SHANK2: variants seen among roughly 807,000 people sequenced by gnomAD.
SHANK2 encodes SH3 and multiple ankyrin repeat domains protein 2.
Under a neutral mutation model 133.7 loss-of-function variants are expected in SHANK2, and 43 were observed. The observed-to-expected ratio is 0.32, with a 90% CI of 0.25 to 0.41. The LOEUF (loss-of-function observed/expected upper bound fraction) is 0.41. Among genes scored for constraint, SHANK2 ranks in the 10% least tolerant of loss-of-function variants. The pLI is 1.00. For synonymous variants in SHANK2, 1,017 were observed against 952.8 expected (o/e 1.07, Z -1.24); for missense variants, 1,994 against 2,235.8 (o/e 0.89, Z 2.18).
intron 11 of SHANK2, among the ~76,000 whole-genome samples, chr11:70,861,953 A>G (rs1412388297): frequency 6.6e-6 from 1 of 152,154 alleles, no homozygotes; most frequent in Non-Finnish European, 1.5e-5. Context: ...AGTGGGACAC[A>G]GGTGCAGCCA....
At chr11:71,139,636 T>C (rs376788734) in intron 3 of SHANK2, among the ~76,000 whole-genome samples, 3 of 152,350 alleles carry the variant, frequency 2.0e-5, no homozygotes, top group African/African-American at 7.2e-5. Context: ...TTTTGGCACA[T>C]GCCACTTGTT....
At chr11:71,118,459 G>A (rs1443051417) in intron 4 of SHANK2, among the ~76,000 whole-genome samples, 5 of 152,172 alleles carry the variant, frequency 3.3e-5, no homozygotes, top group Non-Finnish European at 5.9e-5. Context: ...TCACAAGGCA[G>A]CAGGAGAGAG....
chr11:71,125,287 T>C (rs2135299793), intron 3 of SHANK2, among the ~76,000 whole-genome samples: 1 of 152,304 alleles, frequency 6.6e-6, no homozygotes, highest in East Asian at 1.9e-4. Context: ...GAAAGCTGAG[T>C]CAGGCCAAAA....
At chr11:70,624,672 T>C (rs1554999271) in intron 17 of SHANK2, among the ~76,000 whole-genome samples, 1 of 152,178 alleles carries the variant, frequency 6.6e-6, no homozygotes, top group Non-Finnish European at 1.5e-5. Flanking sequence ...GGAGACATTC[T>C]TGGTTTTCAC....
At chr11:70,758,731 T>C (rs1331576173) in intron 14 of SHANK2, among the ~76,000 whole-genome samples, 3 of 152,224 alleles carry the variant, frequency 2.0e-5, no homozygotes, top group African/African-American at 7.2e-5. Context: ...CCTCTGGGGC[T>C]GCTGGCACCC....
chr11:71,219,112 G>A (rs981413288), intron 2 of SHANK2, among the ~76,000 whole-genome samples: 4 of 152,232 alleles, frequency 2.6e-5, no homozygotes, highest in African/African-American at 4.8e-5. Context: ...CAGATGAGGA[G>A]AGAGCATTTC....
At chr11:70,687,245 C>T (rs1945176309) in intron 15 of SHANK2, among the ~76,000 whole-genome samples, 3 of 152,230 alleles carry the variant, frequency 2.0e-5, no homozygotes, top group Admixed American at 2.0e-4. Flanking sequence ...GAACTGGGAC[C>T]AGGACCCCTG....
chr11:71,104,419 G>A (rs1033108351), intron 6 of SHANK2, among the ~76,000 whole-genome samples: 2 of 152,184 alleles, frequency 1.3e-5, no homozygotes, highest in Admixed American at 6.5e-5. Context: ...TCATCCGTGT[G>A]GCCAGGTAGT....
At chr11:71,066,924 C>G (rs898186743) in intron 9 of SHANK2, among the ~76,000 whole-genome samples, 54 of 152,244 alleles carry the variant, frequency 3.5e-4, no homozygotes, top group African/African-American at 1.2e-3. Context: ...TGACCTGTGC[C>G]CAGTAGAGGC....
rs151040687 is a variant in SHANK2 at position 70,878,186 on chromosome 11, T to C, written c.1174+18315A>G. 5.9e-5 allele frequency among the ~76,000 whole-genome samples: 9 copies of C among 152,278 alleles called. No homozygotes were observed. The East Asian group carries it at 1.7e-3, about 29-fold the overall frequency. ...GAAGGCTGCCCCATCCACATCTCTC[T>C]TACAAAACCAAGCCGCAGCTCCCTC... is the stretch of plus-strand genomic sequence containing the variant. On this transcript the variant is annotated intron_variant, in intron 11 of 25. Coordinates refer to ENST00000601538, the MANE Select transcript of SHANK2 (RefSeq NM_012309.5).
At chr11:70,761,903 T>C (rs928572411) in intron 14 of SHANK2, among the ~76,000 whole-genome samples, 2 of 151,436 alleles carry the variant, frequency 1.3e-5, no homozygotes, top group Non-Finnish European at 2.9e-5. Flanking sequence ...GATTCTGCAT[T>C]CCTAGCAAGT....
intron 11 of SHANK2, among the ~76,000 whole-genome samples, chr11:70,834,460 T>C (rs1312813704): frequency 1.3e-5 from 2 of 152,298 alleles, no homozygotes; most frequent in East Asian, 1.9e-4. Context: ...TGAGAAAGTA[T>C]GTATGCAAGA....
chr11:70,888,245 T>G (rs534477381), intron 11 of SHANK2, among the ~76,000 whole-genome samples: 1 of 150,886 alleles, frequency 6.6e-6, no homozygotes, highest in East Asian at 2.0e-4. Flanking sequence ...GAACCTAGAA[T>G]CAGGAAGCCA....
intron 6 of SHANK2, among the ~76,000 whole-genome samples, chr11:71,104,923 AC>A (rs1325628604): frequency 6.6e-6 from 1 of 152,046 alleles, no homozygotes; most frequent in Non-Finnish European, 1.5e-5. Context: ...TGCCTTAGTT[AC>A]CCCTTTTCCC....
intron 2 of SHANK2, among the ~76,000 whole-genome samples, chr11:71,190,796 G>A (rs113082220): frequency 3.9e-5 from 6 of 152,274 alleles, no homozygotes; most frequent in Admixed American, 1.3e-4. Context: ...TGGCCTGCAC[G>A]AACCCATCAT....
intron 15 of SHANK2, among the ~76,000 whole-genome samples, chr11:70,692,805 A>G (rs1210869144): frequency 6.6e-6 from 1 of 152,258 alleles, no homozygotes. Flanking sequence ...AGCTGTGGAC[A>G]GTGGATATTC....
intron 8 of SHANK2, among the ~76,000 whole-genome samples, chr11:71,091,717 A>C (rs1190153080): frequency 2.0e-5 from 3 of 151,806 alleles, no homozygotes; most frequent in African/African-American, 7.3e-5. Flanking sequence ...TCCTTCCCTG[A>C]GTCCTCCCTG....
At chr11:70,908,837 G>T (rs938442995) in intron 10 of SHANK2, among the ~76,000 whole-genome samples, 5 of 152,150 alleles carry the variant, frequency 3.3e-5, no homozygotes, top group Admixed American at 3.3e-4. Context: ...CGACCCAACT[G>T]ATCTACCTCC....
intron 2 of SHANK2, among the ~76,000 whole-genome samples, chr11:71,190,795 C>T (rs954492072): frequency 2.0e-5 from 3 of 152,210 alleles, no homozygotes; most frequent in South Asian, 4.1e-4. Context: ...GTGGCCTGCA[C>T]GAACCCATCA....
Sources: gnomAD v4.1 joint callset for allele counts (sites outside exome capture counted in the v4.1 genomes callset) on GRCh38, gnomAD v4.1.1 for gene constraint, MANE v1.5 for transcripts, NCBI Gene and HGNC (gene_info 2026-07-23, HGNC 2026-07-21) for gene names.